THBS1: variants seen among roughly 807,000 people sequenced by gnomAD.
The protein encoded by THBS1 is thrombospondin 1, also known as thrombospondin-1.
In THBS1, 29 loss-of-function variants were observed where a neutral mutation model predicts 126.1. The ratio of observed to expected loss-of-function variants is 0.23; its 90% CI spans 0.17 to 0.31. The LOEUF (loss-of-function observed/expected upper bound fraction) is 0.31. Among genes scored for constraint, THBS1 ranks in the 10% least tolerant of loss-of-function variants. The pLI is 1.00. For synonymous variants in THBS1, 496 were observed against 577.8 expected (o/e 0.86, Z 2.03); for missense variants, 1,198 against 1,545.2 (o/e 0.78, Z 3.77).
At position 39,592,368 on chromosome 15, in the gene THBS1, C is replaced by T. The variant is rs192823024; in HGVS notation, c.2533-200C>T. 1.3e-5 allele frequency among the ~76,000 whole-genome samples: 2 copies of T among 151,970 alleles called. No homozygotes were observed. The highest frequency in any genetic ancestry group is 2.4e-5 in the African/African-American group (1 of 41,348). ...AATTATCCCTTCTCAGATTTTTATA[C>T]GAAAACAAAGATAAAGGAAAAAAAC... On this transcript the variant is annotated intron_variant, in intron 16 of 21. Coordinates refer to ENST00000260356, the MANE Select transcript of THBS1 (RefSeq NM_003246.4). This position sits in a 1 kb window ranked among gnomAD's most constrained non-coding sequence, Gnocchi z 4.3.
chr15:39,583,470 G>A, intron 3 of THBS1, 147 bp from the exon 4 acceptor site: 1 of 586,336 alleles, frequency 1.7e-6, no homozygotes, highest in Non-Finnish European at 2.9e-6. Flanking sequence ...ATGTTGCTGT[G>A]TTATTTTGAC....
intron 3 of THBS1, 41 bp from the exon 4 acceptor site, chr15:39,583,576 C>CCA: frequency 6.6e-7 from 1 of 1,523,818 alleles, no homozygotes; most frequent in Non-Finnish European, 9.1e-7. Context: ...ATCCCCACCC[C>CCA]GCTCTGCATT....
At position 39,584,207 on chromosome 15, in the gene THBS1, A is replaced by C; in HGVS notation, c.903+20A>C. ...AAAGTGGTCAGTGGCCTCTGCACCC[A>C]GCCCGTTAGCATGAACCCTGGAAGG... On this transcript the variant is annotated intron_variant, in intron 5 of 21. Transcript: ENST00000260356. The C allele has an allele frequency of 6.2e-7, 1 of 1,613,996 alleles. No homozygotes were observed. Among genetic ancestry groups the C allele is most frequent in the Non-Finnish European group, 8.5e-7 (1 of 1,179,850 alleles).
rs960049643 is a variant in THBS1, at chr15:39,590,117, T to C, written c.2145+94T>C. 35 of 1,148,240 alleles carry C rather than the reference T, an allele frequency of 3.0e-5. No homozygotes were observed. The South Asian group carries it at 5.7e-4, about 19-fold the overall frequency. The allele number at this position is 1,148,240 out of a possible 1,614,324, so 71.1% of individuals were successfully genotyped here. The stretch of plus-strand genomic sequence containing the variant: ...ATTTTAAATACTTAAAGTTTGGACA[T>C]GAAACTGAAAGATTAAATCTCCCAA... On this transcript the variant is annotated intron_variant, in intron 13 of 21. Transcript: ENST00000260356.
chr15:39,593,797 T>C lies in THBS1; in HGVS notation c.3267+129T>C, dbSNP rs1648199116. ...TTCCCAGCATCACCAGCTGCAGCAT[T>C]GAACTCTGCTTTGTAAAAACATAAT... On this transcript the variant is annotated intron_variant, in intron 19 of 21. Coordinates refer to ENST00000260356, the MANE Select transcript of THBS1 (RefSeq NM_003246.4). This position sits in a 1 kb window ranked among gnomAD's most constrained non-coding sequence, Gnocchi z 5.9. 2.2e-6 allele frequency: 3 copies of C among 1,343,782 alleles called. No homozygotes were observed. Among genetic ancestry groups the C allele is most frequent in the Admixed American group, 2.3e-5 (1 of 43,480 alleles). 83.2% of individuals were successfully genotyped at this position (1,343,782 alleles called of 1,614,324 possible).
intron 4 of THBS1, 77 bp downstream of exon 4, chr15:39,583,769 A>G: frequency 1.4e-6 from 2 of 1,473,300 alleles, no homozygotes; most frequent in Non-Finnish European, 9.4e-7. Context: ...GAATTTAGCA[A>G]TAGTGGTTAT....
chr15:39,591,018 A>T, intron 14 of THBS1, 173 bp from the exon 15 acceptor site: 1 of 700,430 alleles, frequency 1.4e-6, no homozygotes, highest in Non-Finnish European at 2.3e-6. Flanking sequence ...TTTTTTAACT[A>T]TGTCCTTTTA....
Position 39,593,616 on chromosome 15 carries a change from C to G in THBS1, c.3215C>G (p.Pro1072Arg). 1 of 1,614,194 alleles carries G rather than the reference C, an allele frequency of 6.2e-7. No homozygotes were observed. The highest frequency in any genetic ancestry group is 1.1e-5 in the South Asian group (1 of 91,082). Residue 1072 changes from proline (P) to arginine (R), a missense_variant, in exon 19 of 22, where the codon CCT becomes CGT. Physicochemically the swap from Pro to Arg is moderately radical, Grantham distance 103. Around this residue, in one of 4 missense-constraint regions of THBS1, gnomAD observed 255 missense variants for 373.9 expected, o/e 0.68. Coordinates refer to ENST00000260356, the MANE Select transcript of THBS1 (RefSeq NM_003246.4). The surrounding 1 kb of genome is among the most constrained non-coding windows in gnomAD (Gnocchi z 5.9). The part of the protein sequence containing the change: ...SVKVVNSTTG[P>R]GEHLRNALWH... ...AAAGTTGTAAACTCCACCACAGGGC[C>G]TGGCGAGCACCTGCGGAACGCCCTG...
In THBS1 at chr15:39,599,011, T is replaced by C. The variant is rs1890548064; in HGVS notation, c.*3642T>C. 1 of 152,108 alleles carries C rather than the reference T, an allele frequency of 6.6e-6. No homozygotes were observed. The highest frequency in any genetic ancestry group is 1.5e-5 in the Non-Finnish European group (1 of 68,036). 9.4% of individuals were successfully genotyped at this position (152,108 alleles called of 1,614,324 possible). A position where few individuals can be genotyped will look rare whatever the true frequency, so the allele number is the denominator to read the frequency against. On this transcript the variant is annotated 3_prime_UTR_variant, in exon 22 of 22. Coordinates refer to ENST00000260356, the MANE Select transcript of THBS1 (RefSeq NM_003246.4). Reference sequence around the variant, plus strand: ...ATCTCGGCTCACTGCAACCTCTGCCTCCCCGGTTCAAGCAATTCTCCCTCC... The same window carrying C: ...ATCTCGGCTCACTGCAACCTCTGCCCCCCCGGTTCAAGCAATTCTCCCTCC...
chr15:39,584,069 A>G lies in THBS1; in HGVS notation c.785A>G (p.Lys262Arg). 2.5e-6 allele frequency: 4 copies of G among 1,614,248 alleles called. No homozygotes were observed. Among genetic ancestry groups the G allele is most frequent in the Non-Finnish European group, 2.5e-6 (3 of 1,180,042 alleles). ...ATCCGCACTAACTACATTGGCCACA[A>G]GACAAAGGACTTGCAAGCCATCTGC... Reference protein sequence around the residue: ...PAIRTNYIGHKTKDLQAICGI... With the variant: ...PAIRTNYIGHRTKDLQAICGI... The change falls in exon 5 of 22, where the codon AAG becomes AGG. Residue 262 changes from lysine (K) to arginine (R), a missense_variant. By Grantham distance (26) the Lys-to-Arg change is conservative (BLOSUM62 2). This residue lies in a region of THBS1 where 663 missense variants were observed against 860.1 expected (regional missense o/e 0.77). Transcript: ENST00000260356.
chr15:39,598,327 AT>A lies in THBS1; in HGVS notation c.*2959del, dbSNP rs1890525476. 6.6e-6 allele frequency: 1 copy of A among 152,234 alleles called. No individual in the cohort carries two copies. Among genetic ancestry groups the A allele is most frequent in the Non-Finnish European group, 1.5e-5 (1 of 68,038 alleles). 9.4% of individuals were successfully genotyped at this position (152,234 alleles called of 1,614,324 possible). A position where few individuals can be genotyped will look rare whatever the true frequency, so the allele number is the denominator to read the frequency against. On this transcript the variant is annotated 3_prime_UTR_variant, in exon 22 of 22. Coordinates refer to ENST00000260356, the MANE Select transcript of THBS1 (RefSeq NM_003246.4). ...TAAATACTCATCTTTCTGAGTAGCC[AT>A]GATCACATACAAATGTAAATTGCCA...
chr15:39,587,882 T>C (rs565792570), intron 8 of THBS1, among the ~76,000 whole-genome samples, 160 bp from the exon 9 acceptor site: 1 of 152,368 alleles, frequency 6.6e-6, no homozygotes, highest in East Asian at 1.9e-4. Flanking sequence ...ACATTCCATG[T>C]TGACATTTGG....
chr15:39,593,988 C>T lies in THBS1; in HGVS notation c.3268-111C>T. 8.3e-7 allele frequency: 1 copy of T among 1,203,154 alleles called. No homozygotes were observed. Among genetic ancestry groups the T allele is most frequent in the South Asian group, 1.6e-5 (1 of 64,420 alleles). 74.5% of individuals were successfully genotyped at this position (1,203,154 alleles called of 1,614,324 possible). A position where few individuals can be genotyped will look rare whatever the true frequency, so the allele number is the denominator to read the frequency against. On this transcript the variant is annotated intron_variant, in intron 19 of 21. Transcript: ENST00000260356. The surrounding 1 kb of genome is among the most constrained non-coding windows in gnomAD (Gnocchi z 5.9). ...CTTGGAAAAATTCCCCATTGCAGCCCTCTAACTTAGATCAGCTCAGTACCT... is the reference window on the plus strand; with the variant it reads ...CTTGGAAAAATTCCCCATTGCAGCCTTCTAACTTAGATCAGCTCAGTACCT...
rs1890501659 is a variant in THBS1 at position 39,597,621 on chromosome 15, T to C, written c.*2252T>C. 6.6e-6 allele frequency: 1 copy of C among 151,996 alleles called. No homozygotes were observed. The highest frequency in any genetic ancestry group is 1.5e-5 in the Non-Finnish European group (1 of 67,978). The allele number at this position is 151,996 out of a possible 1,614,324, so 9.4% of individuals were successfully genotyped here. On this transcript the variant is annotated 3_prime_UTR_variant, in exon 22 of 22. Transcript: ENST00000260356. Reference sequence around the variant, plus strand: ...TTGTATGTGATTGAGAAAGACTGAGTTGCTCAGGCCTAGGCTTAGAATTTG... The same window carrying C: ...TTGTATGTGATTGAGAAAGACTGAGCTGCTCAGGCCTAGGCTTAGAATTTG...
At chr15:39,588,013 C>A in intron 8 of THBS1, 29 bp from the exon 9 acceptor site, 1 of 1,603,778 alleles carries the variant, frequency 6.2e-7, no homozygotes, top group Non-Finnish European at 8.5e-7. Context: ...AAGCCAAAAC[C>A]ATTTGTGACC....
intron 16 of THBS1, 51 bp downstream of exon 16, chr15:39,591,674 C>T: frequency 1.3e-6 from 2 of 1,483,540 alleles, no homozygotes; most frequent in Non-Finnish European, 1.9e-6. Context: ...TTGGAATATC[C>T]CTTTCATGGC....
chr15:39,593,748 C>T lies in THBS1; in HGVS notation c.3267+80C>T, dbSNP rs1890376874. The T allele has an allele frequency of 6.5e-7, 1 of 1,549,302 alleles. No individual in the cohort carries two copies. The highest frequency in any genetic ancestry group is 1.9e-5 in the Admixed American group (1 of 51,614). On this transcript the variant is annotated intron_variant, in intron 19 of 21. Coordinates refer to ENST00000260356, the MANE Select transcript of THBS1 (RefSeq NM_003246.4). This position sits in a 1 kb window ranked among gnomAD's most constrained non-coding sequence, Gnocchi z 5.9. ...TGGGGATGCTGTGCTTTGACCAAGA[C>T]TCTGACCAGGGAGTCTTAGAAAGTT... is the stretch of plus-strand genomic sequence containing the variant.
At chr15:39,583,738 T>G (rs774119985) in intron 4 of THBS1, 46 bp downstream of exon 4, 1 of 1,581,126 alleles carries the variant, frequency 6.3e-7, no homozygotes, top group Non-Finnish European at 8.7e-7. Flanking sequence ...TCAGGGGGAA[T>G]TCCACCAAAA....
rs1195267531 is a variant in THBS1, at chr15:39,597,266, CTTTT to C, written c.*1902_*1905del. 2.2e-5 allele frequency: 1 copy of C among 45,970 alleles called. No homozygotes were observed. Among genetic ancestry groups the C allele is most frequent in the Non-Finnish European group, 5.0e-5 (1 of 19,824 alleles). 2.8% of individuals were successfully genotyped at this position (45,970 alleles called of 1,614,324 possible). ...TGAATTGAAGAATTGTTGGTTTTTT[CTTTT>C]TTTTGTTTTGTTTTTTTTTTTTTTT... On this transcript the variant is annotated 3_prime_UTR_variant, in exon 22 of 22. Coordinates refer to ENST00000260356, the MANE Select transcript of THBS1 (RefSeq NM_003246.4).
Sources: gnomAD v4.1 joint callset for allele counts (sites outside exome capture counted in the v4.1 genomes callset) on GRCh38, gnomAD v4.1.1 for gene constraint, gnomAD v4.1.1 regional missense constraint, Gnocchi (gnomAD v3.1) non-coding constraint, MANE v1.5 for transcripts, NCBI Gene and HGNC (gene_info 2026-07-23, HGNC 2026-07-21) for gene names.